The following CLVS1 variants were observed in gnomAD, a reference collection of about 807,000 sequenced individuals.
CLVS1 encodes clavesin 1.
Under a neutral mutation model 33.1 loss-of-function variants are expected in CLVS1, and 10 were observed. That is an observed-to-expected ratio of 0.30 (90% CI 0.19 to 0.51). The LOEUF (loss-of-function observed/expected upper bound fraction) is 0.51, where lower values mean the gene tolerates loss of function less well. Among genes scored for constraint, CLVS1 ranks in the 20% least tolerant of loss-of-function variants. The probability of loss-of-function intolerance (pLI) is 0.97; values close to 1 mark genes in which losing one functional copy is unlikely to be tolerated. For missense variants in CLVS1, 343 were observed against 433.4 expected (o/e 0.79, Z 1.85); for synonymous variants, 163 against 166.1 (o/e 0.98, Z 0.14).
the CLVS1 span, among the ~76,000 whole-genome samples, chr8:61,036,427 T>C: frequency 6.6e-6 from 1 of 152,188 alleles, no homozygotes; most frequent in Non-Finnish European, 1.5e-5. Flanking sequence ...TGACTTCACT[T>C]GGTAGCACTC....
chr8:61,412,130 C>T (rs1815255062), intron 3 of CLVS1, among the ~76,000 whole-genome samples: 1 of 152,118 alleles, frequency 6.6e-6, no homozygotes, highest in Non-Finnish European at 1.5e-5. Flanking sequence ...ACACTAGGTC[C>T]TGGGGATAAA....
chr8:61,331,825 C>A (rs1013133601), intron 2 of CLVS1, among the ~76,000 whole-genome samples: 2 of 129,594 alleles, frequency 1.5e-5, no homozygotes, highest in East Asian at 4.5e-4. Flanking sequence ...TCCTCCTCTT[C>A]CTCCTCCTCC....
At chr8:61,047,798 G>T in the CLVS1 span, among the ~76,000 whole-genome samples, 1 of 152,128 alleles carries the variant, frequency 6.6e-6, no homozygotes, top group African/African-American at 2.4e-5. Flanking sequence ...GTTGTGGGTT[G>T]CGGGGAGCGG....
chr8:61,168,400 G>A (rs1269172676), intron 2 of CLVS1, among the ~76,000 whole-genome samples: 1 of 152,206 alleles, frequency 6.6e-6, no homozygotes, highest in Admixed American at 6.5e-5. Flanking sequence ...AGTCTTGCTA[G>A]ACTTATGTAA....
At chr8:61,185,981 ACC>A (rs1807336907) in intron 2 of CLVS1, among the ~76,000 whole-genome samples, 1 of 152,092 alleles carries the variant, frequency 6.6e-6, no homozygotes, top group Admixed American at 6.6e-5. Context: ...GACAGCCATA[ACC>A]CGGTTCTGTA....
At chr8:61,456,098 G>C (rs1317168512) in intron 4 of CLVS1, among the ~76,000 whole-genome samples, 1 of 152,216 alleles carries the variant, frequency 6.6e-6, no homozygotes, top group East Asian at 1.9e-4. Context: ...GAGCGAGAGA[G>C]AATTCCTCCC....
At chr8:60,964,972 G>C in the CLVS1 span, 5 of 152,120 alleles carry the variant, frequency 3.3e-5, no homozygotes, top group Admixed American at 1.3e-4. Context: ...AGCAGGCCTG[G>C]GAAGTTTTCC....
chr8:61,461,683 T>C (rs1429117594), intron 5 of CLVS1, among the ~76,000 whole-genome samples: 1 of 152,222 alleles, frequency 6.6e-6, no homozygotes, highest in African/African-American at 2.4e-5. Flanking sequence ...CTAAACAAGA[T>C]TCAATAAATG....
intron 1 of CLVS1, among the ~76,000 whole-genome samples, chr8:61,114,397 T>G (rs1489261803): frequency 6.6e-6 from 1 of 152,240 alleles, no homozygotes; most frequent in African/African-American, 2.4e-5. Flanking sequence ...AATTTTGAGC[T>G]AGCTAGTCTT....
At chr8:61,216,920 C>A (rs1808102232) in intron 2 of CLVS1, among the ~76,000 whole-genome samples, 1 of 152,110 alleles carries the variant, frequency 6.6e-6, no homozygotes, top group Non-Finnish European at 1.5e-5. Context: ...ATATATTTTC[C>A]TTCTGAAGGG....
chr8:61,263,508 G>A (rs1585732322), intron 2 of CLVS1, among the ~76,000 whole-genome samples: 1 of 152,108 alleles, frequency 6.6e-6, no homozygotes, highest in Non-Finnish European at 1.5e-5. Context: ...CCTTTCGTCG[G>A]CTCTTATTTA....
At chr8:60,981,739 G>A in the CLVS1 span, among the ~76,000 whole-genome samples, 2 of 152,258 alleles carry the variant, frequency 1.3e-5, no homozygotes, top group Non-Finnish European at 2.9e-5. Flanking sequence ...CAGAGGAACA[G>A]CAGCTTGAGC....
chr8:61,279,327 C>A (rs903498921), intron 2 of CLVS1, among the ~76,000 whole-genome samples: 18 of 152,174 alleles, frequency 1.2e-4, no homozygotes, highest in African/African-American at 4.3e-4. Context: ...TCTCCCAAGT[C>A]TTCATGAAAG....
intron 2 of CLVS1, among the ~76,000 whole-genome samples, chr8:61,302,957 A>C (rs1810488916): frequency 6.6e-6 from 1 of 152,202 alleles, no homozygotes; most frequent in South Asian, 2.1e-4. Flanking sequence ...ACCAGACAGC[A>C]CTAGGGTGAT....
intron 2 of CLVS1, among the ~76,000 whole-genome samples, chr8:61,138,706 C>A (rs1299536399): frequency 6.6e-6 from 1 of 152,060 alleles, no homozygotes; most frequent in Non-Finnish European, 1.5e-5. Context: ...GTATCATGGA[C>A]CGAGCCAGAG....
At chr8:61,121,598 C>G (rs945398821) in intron 1 of CLVS1, among the ~76,000 whole-genome samples, 12 of 152,180 alleles carry the variant, frequency 7.9e-5, no homozygotes, top group African/African-American at 2.9e-4. Context: ...GAATTTGTGT[C>G]TCAATCCATC....
intron 5 of CLVS1, among the ~76,000 whole-genome samples, chr8:61,485,826 T>C (rs944935722): frequency 2.6e-5 from 4 of 152,182 alleles, no homozygotes; most frequent in African/African-American, 9.7e-5. Flanking sequence ...ACCATCATTC[T>C]GAGCAAACTA....
At chr8:61,001,546 C>T in the CLVS1 span, among the ~76,000 whole-genome samples, 2 of 152,348 alleles carry the variant, frequency 1.3e-5, no homozygotes, top group East Asian at 1.9e-4. Context: ...TTTCTAATAA[C>T]TGAATCAAAT....
intron 5 of CLVS1, among the ~76,000 whole-genome samples, chr8:61,467,059 G>C (rs921090010): frequency 3.9e-5 from 6 of 152,146 alleles, no homozygotes; most frequent in African/African-American, 1.4e-4. Context: ...GTATCTGTAT[G>C]TATACACACA....
Sources: allele counts gnomAD v4.1 joint callset (sites outside exome capture counted in the v4.1 genomes callset), GRCh38; gene constraint gnomAD v4.1.1; transcripts MANE v1.5; gene names NCBI Gene and HGNC (gene_info 2026-07-23, HGNC 2026-07-21).